MAN2B2: variants seen among roughly 807,000 people sequenced by gnomAD.
MAN2B2 encodes mannosidase alpha class 2B member 2.
Under a neutral mutation model 117.1 loss-of-function variants are expected in MAN2B2, and 106 were observed. The ratio of observed to expected loss-of-function variants is 0.90; its 90% confidence interval spans 0.77 to 1.06. MAN2B2 has a LOEUF of 1.06. MAN2B2 is among the 50% of genes least tolerant of loss of function. The pLI is 0.00. For synonymous variants in MAN2B2, 544 were observed against 595.1 expected, an observed-to-expected ratio of 0.91 and a Z score of 1.25; for missense variants, 1,326 against 1,381.4, an observed-to-expected ratio of 0.96 and a Z score of 0.64.
chr4:6,575,673 G>T (rs183379147), intron 1 of MAN2B2, among the ~76,000 whole-genome samples: 131 of 152,346 alleles, frequency 8.6e-4, no homozygotes, highest in African/African-American at 3.1e-3. Flanking sequence ...TGGCTTCAGA[G>T]CAGGTGGATG....
chr4:6,590,901 C>A (rs1295090589), intron 5 of MAN2B2, among the ~76,000 whole-genome samples: 1 of 152,168 alleles, frequency 6.6e-6, no homozygotes, highest in Non-Finnish European at 1.5e-5. Flanking sequence ...GTAATCCCAG[C>A]ACTTTGGGAG....
chr4:6,597,919 C>T (rs1376349929), intron 8 of MAN2B2, among the ~76,000 whole-genome samples: 1 of 152,220 alleles, frequency 6.6e-6, no homozygotes, highest in Non-Finnish European at 1.5e-5. Flanking sequence ...CAGAACATGT[C>T]ATTATGTTGT....
intron 3 of MAN2B2, among the ~76,000 whole-genome samples, chr4:6,579,168 C>CCAT (rs1726250590): frequency 1.4e-5 from 1 of 73,796 alleles, no homozygotes; most frequent in South Asian, 6.2e-4. Context: ...ATCACCACCA[C>CCAT]CACCACCACC....
rs535681004 is a variant in MAN2B2 at position 6,591,221 on chromosome 4, C to T, written c.681-1952C>T. 3.3e-5 allele frequency among the ~76,000 whole-genome samples: 5 copies of T among 152,304 alleles called. No homozygotes were observed. The South Asian group carries it at 1.0e-3, about 32-fold the overall frequency. On this transcript the variant is annotated intron_variant, in intron 5 of 18. Transcript: ENST00000285599. ...AGACCCTTGGGAATAAATCGCTCCT[C>T]ATCCTTGTCTTGCGGAGCTGCCTCT...
intron 10 of MAN2B2, among the ~76,000 whole-genome samples, chr4:6,604,377 C>T (rs1727447934): frequency 6.7e-6 from 1 of 148,814 alleles, no homozygotes; most frequent in Non-Finnish European, 1.5e-5. Context: ...CAGCTGTGAC[C>T]AGGCAGAGGC....
At chr4:6,593,048 G>A (rs1726916362) in intron 5 of MAN2B2, 125 bp from the exon 6 acceptor site, 1 of 881,198 alleles carries the variant, frequency 1.1e-6, no homozygotes, top group South Asian at 1.6e-5. Flanking sequence ...TGGAGTGGGA[G>A]AATTCAGTCT....
At chr4:6,602,848 T>G (rs1044047255) in intron 10 of MAN2B2, among the ~76,000 whole-genome samples, 5 of 152,078 alleles carry the variant, frequency 3.3e-5, no homozygotes, top group Non-Finnish European at 7.4e-5. Context: ...TTTTTTTGTT[T>G]GTTTTTTGGT....
chr4:6,586,289 G>A (rs1726631045), intron 3 of MAN2B2, among the ~76,000 whole-genome samples: 1 of 152,108 alleles, frequency 6.6e-6, no homozygotes, highest in Non-Finnish European at 1.5e-5. Flanking sequence ...TCAAACTCCT[G>A]GGCTCAAGCG....
At chr4:6,579,334 C>CCAT (rs1726311402) in intron 3 of MAN2B2, among the ~76,000 whole-genome samples, 2 of 102,046 alleles carry the variant, frequency 2.0e-5, no homozygotes, top group African/African-American at 7.2e-5. Flanking sequence ...ACCACCACCA[C>CCAT]CACCACCATC....
At position 6,578,435 on chromosome 4, in the gene MAN2B2, G is replaced by A. The variant is rs375439097; in HGVS notation, c.328G>A (p.Gly110Arg). ...GGAAGGACGCCTGGAATTTGTCATC[G>A]GAGGCCAGGTCATGCATGACGAGGC... ...LEEGRLEFVIGGQVMHDEAVT... is the reference protein window; with the variant it reads ...LEEGRLEFVIRGQVMHDEAVT... The change falls in exon 3 of 19, where the codon GGA becomes AGA. Residue 110 changes from glycine (G) to arginine (R), a missense_variant. Physicochemically the swap from Gly to Arg is moderately radical, Grantham distance 125. Coordinates refer to ENST00000285599, the MANE Select transcript of MAN2B2 (RefSeq NM_015274.3). The A allele has an allele frequency of 1.8e-5, 29 of 1,613,556 alleles. 1 individual carries two copies. Among genetic ancestry groups the A allele is most frequent in the Middle Eastern group, 3.3e-4 (2 of 6,080 alleles).
intron 5 of MAN2B2, among the ~76,000 whole-genome samples, chr4:6,590,288 G>A (rs920759950): frequency 3.9e-5 from 6 of 151,950 alleles, no homozygotes; most frequent in Non-Finnish European, 8.8e-5. Flanking sequence ...GGGAGGCTGA[G>A]GCAGGAGAAT....
At chr4:6,590,688 C>G (rs1334403893) in intron 5 of MAN2B2, among the ~76,000 whole-genome samples, 1 of 152,226 alleles carries the variant, frequency 6.6e-6, no homozygotes, top group Non-Finnish European at 1.5e-5. Context: ...GCTGCAGGTG[C>G]AGGGATAGGG....
Position 6,575,358 on chromosome 4 carries a change from G to T in MAN2B2, c.138+10G>T. ...GGTCTACACTGTGCAGGTAGGTGCC[G>T]ACCACGCCCCGCGCGCCCCTGAGGC... On this transcript the variant is annotated intron_variant, in intron 1 of 18. Coordinates refer to ENST00000285599, the MANE Select transcript of MAN2B2 (RefSeq NM_015274.3). 6.6e-6 allele frequency: 10 copies of T among 1,519,430 alleles called. No homozygotes were observed. The highest frequency in any genetic ancestry group is 8.8e-6 in the Non-Finnish European group (10 of 1,132,304). The allele number at this position is 1,519,430 out of a possible 1,614,324, so 94.1% of individuals were successfully genotyped here. A position where few individuals can be genotyped will look rare whatever the true frequency, so the allele number is the denominator to read the frequency against.
intron 7 of MAN2B2, among the ~76,000 whole-genome samples, chr4:6,596,139 C>G (rs734036): frequency 6.8e-6 from 1 of 147,834 alleles, no homozygotes; most frequent in Non-Finnish European, 1.5e-5. Flanking sequence ...TCCAGGTGGG[C>G]GTGGTATCCA....
intron 3 of MAN2B2, among the ~76,000 whole-genome samples, chr4:6,586,637 G>C (rs1726642783): frequency 2.0e-5 from 3 of 152,190 alleles, no homozygotes; most frequent in Admixed American, 2.0e-4. Flanking sequence ...GGGGGTGCTA[G>C]GGGCTGGGGG....
intron 3 of MAN2B2, among the ~76,000 whole-genome samples, chr4:6,579,271 T>TCAC (rs1560634885): frequency 4.1e-4 from 6 of 14,660 alleles, no homozygotes; most frequent in Admixed American, 7.6e-4. Context: ...ACCACCACCA[T>TCAC]CACCACCACC....
At chr4:6,616,424 C>A (rs74320466) in intron 16 of MAN2B2, among the ~76,000 whole-genome samples, 1,997 of 152,270 alleles carry the variant, frequency 0.013, 41 homozygotes, top group African/African-American at 0.046. Context: ...TAACAAAGAG[C>A]CCCGAATGCC....
intron 3 of MAN2B2, among the ~76,000 whole-genome samples, chr4:6,581,157 C>T (rs1247383847): frequency 6.6e-6 from 1 of 152,102 alleles, no homozygotes; most frequent in Non-Finnish European, 1.5e-5. Context: ...GTTTGAGGCT[C>T]AAATGCTATC....
intron 4 of MAN2B2, among the ~76,000 whole-genome samples, 196 bp from the exon 5 acceptor site, chr4:6,588,849 G>A (rs1047168326): frequency 6.6e-6 from 1 of 152,174 alleles, no homozygotes; most frequent in African/African-American, 2.4e-5. Flanking sequence ...GAGTGGGTGG[G>A]GTGAATGAGC....
Sources: gnomAD v4.1 joint callset for allele counts (sites outside exome capture counted in the v4.1 genomes callset) on GRCh38, gnomAD v4.1.1 for gene constraint, MANE v1.5 for transcripts, NCBI Gene and HGNC (gene_info 2026-07-23, HGNC 2026-07-21) for gene names.